XKR4: variants seen among roughly 807,000 people sequenced by gnomAD.
XKR4 encodes the protein XK related 4.
Under a neutral mutation model 53.9 loss-of-function variants are expected in XKR4, and 12 were observed. That is an observed-to-expected ratio of 0.22 (90% CI 0.14 to 0.36). The LOEUF (loss-of-function observed/expected upper bound fraction) is 0.36, where lower values mean the gene tolerates loss of function less well. Ranked by LOEUF, XKR4 falls within the 10% of genes least tolerant of loss-of-function variation. XKR4 has a pLI of 1.00. For synonymous variants in XKR4, 354 were observed against 362.4 expected, an observed-to-expected ratio of 0.98 and a Z score of 0.26; for missense variants, 799 against 859.5, an observed-to-expected ratio of 0.93 and a Z score of 0.88.
At chr8:55,181,132 T>C (rs1020693075) in intron 1 of XKR4, among the ~76,000 whole-genome samples, 8 of 152,214 alleles carry the variant, frequency 5.3e-5, no homozygotes, top group Non-Finnish European at 4.4e-5. Flanking sequence ...ATGAACCAAG[T>C]CTTATTTAGG....
rs1252870539 is a variant in XKR4 at position 55,540,302 on chromosome 8, T to C, written c.*16075T>C. ...CCATGAACAAGTGATAGAAAACATA[T>C]GGAAATTCTCTTTTGATCAAAAGGA... is the stretch of plus-strand genomic sequence containing the variant. On this transcript the variant is annotated 3_prime_UTR_variant, in exon 3 of 3. Coordinates refer to ENST00000327381, the MANE Select transcript of XKR4 (RefSeq NM_052898.2). 2.0e-5 allele frequency: 3 copies of C among 152,236 alleles called. No homozygotes were observed. Among genetic ancestry groups the C allele is most frequent in the Non-Finnish European group, 2.9e-5 (2 of 68,040 alleles). The allele number at this position is 152,236 out of a possible 1,614,324, so 9.4% of individuals were successfully genotyped here. A position where few individuals can be genotyped will look rare whatever the true frequency, so the allele number is the denominator to read the frequency against.
At chr8:55,386,714 T>C (rs549433657) in intron 2 of XKR4, among the ~76,000 whole-genome samples, 1 of 152,344 alleles carries the variant, frequency 6.6e-6, no homozygotes, top group South Asian at 2.1e-4. Flanking sequence ...GATCCCTGCA[T>C]TGTACAATGG....
intron 1 of XKR4, among the ~76,000 whole-genome samples, chr8:55,324,275 T>A (rs1185659673): frequency 6.6e-6 from 1 of 152,170 alleles, no homozygotes; most frequent in Admixed American, 6.5e-5. Context: ...TTTTAATGTT[T>A]TGTAGAGACA....
At chr8:55,103,496 A>G (rs567429878) in intron 1 of XKR4, among the ~76,000 whole-genome samples, 1 of 152,174 alleles carries the variant, frequency 6.6e-6, no homozygotes, top group East Asian at 1.9e-4. Context: ...GTGAGAAGCA[A>G]GGGAAGGACA....
chr8:55,328,022 G>GA (rs1180660152), intron 1 of XKR4, among the ~76,000 whole-genome samples: 3 of 151,804 alleles, frequency 2.0e-5, no homozygotes, highest in Non-Finnish European at 4.4e-5. Flanking sequence ...ACACTGCTAT[G>GA]AAAAAATACC....
intron 1 of XKR4, among the ~76,000 whole-genome samples, chr8:55,259,496 G>A (rs1490727489): frequency 6.6e-6 from 1 of 152,150 alleles, no homozygotes; most frequent in Non-Finnish European, 1.5e-5. Context: ...AAGTGGTGAG[G>A]TTGGGGTTTG....
chr8:55,231,320 A>G (rs1463172007), intron 1 of XKR4, among the ~76,000 whole-genome samples: 5 of 152,258 alleles, frequency 3.3e-5, no homozygotes, highest in African/African-American at 7.2e-5. Flanking sequence ...CACCCTGAGT[A>G]AAGTAGGAAA....
At chr8:55,286,653 C>T (rs1818911445) in intron 1 of XKR4, among the ~76,000 whole-genome samples, 8 of 152,230 alleles carry the variant, frequency 5.3e-5, no homozygotes, top group South Asian at 2.1e-4. Context: ...AACAGATTTA[C>T]ATGCCTTTCT....
chr8:55,404,066 G>A (rs1188460308), intron 2 of XKR4, among the ~76,000 whole-genome samples: 1 of 152,192 alleles, frequency 6.6e-6, no homozygotes, highest in East Asian at 1.9e-4. Context: ...GTTTCTGAAA[G>A]AGTCTACATG....
chr8:55,426,246 G>A (rs1448161623), intron 2 of XKR4, among the ~76,000 whole-genome samples: 3 of 152,182 alleles, frequency 2.0e-5, no homozygotes. Flanking sequence ...CTTTAGTGAT[G>A]CTAGCTCAAT....
At chr8:55,305,365 C>T (rs1819280632) in intron 1 of XKR4, among the ~76,000 whole-genome samples, 4 of 152,014 alleles carry the variant, frequency 2.6e-5, no homozygotes, top group Non-Finnish European at 4.4e-5. Context: ...AGTGAGTATT[C>T]CTGGACACCT....
intron 2 of XKR4, among the ~76,000 whole-genome samples, chr8:55,499,496 T>C (rs1171302884): frequency 1.3e-5 from 2 of 152,304 alleles, no homozygotes; most frequent in East Asian, 3.9e-4. Context: ...AAATATCTTT[T>C]CTGGTGTTAT....
intron 2 of XKR4, among the ~76,000 whole-genome samples, chr8:55,383,683 C>T (rs979592361): frequency 6.6e-6 from 1 of 152,110 alleles, no homozygotes; most frequent in Non-Finnish European, 1.5e-5. Flanking sequence ...GTATTAATTT[C>T]ATTTAATCCT....
At chr8:55,103,729 A>G (rs991805257) in intron 1 of XKR4, among the ~76,000 whole-genome samples, 9 of 150,700 alleles carry the variant, frequency 6.0e-5, no homozygotes, top group South Asian at 2.1e-4. Flanking sequence ...TTCCCTGGGG[A>G]AAAAAAATTG....
At chr8:55,103,747 T>A (rs1217056473) in intron 1 of XKR4, among the ~76,000 whole-genome samples, 1 of 151,260 alleles carries the variant, frequency 6.6e-6, no homozygotes, top group Non-Finnish European at 1.5e-5. Context: ...TTGCTAATTC[T>A]AGTGAAATGG....
At chr8:55,120,366 G>T (rs1816373834) in intron 1 of XKR4, among the ~76,000 whole-genome samples, 1 of 152,070 alleles carries the variant, frequency 6.6e-6, no homozygotes, top group South Asian at 2.1e-4. Context: ...TTGTTTTATA[G>T]GCGGGTGAAC....
intron 1 of XKR4, among the ~76,000 whole-genome samples, chr8:55,335,153 T>G (rs1803441518): frequency 6.6e-6 from 1 of 152,186 alleles, no homozygotes; most frequent in Non-Finnish European, 1.5e-5. Context: ...TTTTCATCTA[T>G]GAATAAAACC....
intron 2 of XKR4, among the ~76,000 whole-genome samples, chr8:55,413,773 A>G (rs143970852): frequency 6.6e-6 from 1 of 152,286 alleles, no homozygotes; most frequent in East Asian, 1.9e-4. Flanking sequence ...ACTTAATCCA[A>G]TCAGTCTCAC....
intron 1 of XKR4, among the ~76,000 whole-genome samples, chr8:55,337,663 A>G (rs1803482145): frequency 6.6e-6 from 1 of 152,220 alleles, no homozygotes; most frequent in South Asian, 2.1e-4. Context: ...GGCAGGGGCA[A>G]TGGTAAGATA....
Sources: gnomAD v4.1 joint callset for allele counts (sites outside exome capture counted in the v4.1 genomes callset) on GRCh38, gnomAD v4.1.1 for gene constraint, MANE v1.5 for transcripts, NCBI Gene and HGNC (gene_info 2026-07-23, HGNC 2026-07-21) for gene names.